Variants in CSMD1 observed in about 807,000 individuals in gnomAD.
CSMD1 encodes CUB and sushi domain-containing protein 1.
A neutral mutation model predicts 417.5 loss-of-function variants in CSMD1; 213 were observed. The observed-to-expected ratio is 0.51, with a 90% CI of 0.46 to 0.57. The LOEUF is 0.57. Ranked by LOEUF, CSMD1 falls within the 20% of genes least tolerant of loss-of-function variation. The pLI, the probability that CSMD1 is intolerant of heterozygous loss-of-function variation, is 0.00. For missense variants in CSMD1, 6,923 were observed against 4,529.7 expected, an observed-to-expected ratio of 1.53 and a Z score of -15.17; for synonymous variants, 2,862 against 1,736.8, an observed-to-expected ratio of 1.65 and a Z score of -16.11.
chr8:3,420,118 GT>G (rs1336826999), intron 12 of CSMD1, among the ~76,000 whole-genome samples: 2 of 152,096 alleles, frequency 1.3e-5, no homozygotes, highest in Non-Finnish European at 2.9e-5. Context: ...AATTTCAATA[GT>G]TGGGAAGTCA....
At chr8:3,391,069 A>C (rs143152222) in intron 17 of CSMD1, among the ~76,000 whole-genome samples, 1 of 152,298 alleles carries the variant, frequency 6.6e-6, no homozygotes, top group South Asian at 2.1e-4. Flanking sequence ...GAGTGTTAGC[A>C]TGCATGGGCA....
intron 5 of CSMD1, among the ~76,000 whole-genome samples, chr8:3,776,807 G>GATAGATATATATATATAT (rs1554432749): frequency 7.1e-6 from 1 of 139,938 alleles, no homozygotes; most frequent in Non-Finnish European, 1.5e-5. Context: ...ATATAGACGA[G>GATAGATATATATATATAT]ATATATATAT....
chr8:3,923,297 C>A (rs1292989048), intron 5 of CSMD1, among the ~76,000 whole-genome samples: 2 of 152,090 alleles, frequency 1.3e-5, no homozygotes, highest in African/African-American at 4.8e-5. Context: ...TGTCCCTTCC[C>A]CATTTGGGGA....
chr8:3,184,237 A>G (rs1248918057), intron 36 of CSMD1, among the ~76,000 whole-genome samples: 1 of 152,136 alleles, frequency 6.6e-6, no homozygotes, highest in African/African-American at 2.4e-5. Flanking sequence ...TATTCATTCA[A>G]ATATAACCAC....
intron 3 of CSMD1, among the ~76,000 whole-genome samples, chr8:4,032,517 T>A (rs35022443): frequency 2.6e-5 from 4 of 152,138 alleles, no homozygotes; most frequent in African/African-American, 9.6e-5. Flanking sequence ...TGAATACTCA[T>A]ACCCTATTTA....
chr8:4,169,766 G>C (rs377290708), intron 3 of CSMD1, among the ~76,000 whole-genome samples: 1 of 152,068 alleles, frequency 6.6e-6, no homozygotes, highest in Non-Finnish European at 1.5e-5. Flanking sequence ...GACTATTCAT[G>C]GGATGCTTCT....
chr8:4,710,464 T>TTTTATA (rs1554452186), intron 1 of CSMD1, among the ~76,000 whole-genome samples: 15 of 144,844 alleles, frequency 1.0e-4, no homozygotes, highest in South Asian at 4.3e-4. Context: ...TAATGGAATA[T>TTTTATA]TATATATATA....
At chr8:4,832,205 G>A (rs1800195027) in intron 1 of CSMD1, among the ~76,000 whole-genome samples, 1 of 152,162 alleles carries the variant, frequency 6.6e-6, no homozygotes, top group Non-Finnish European at 1.5e-5. Flanking sequence ...AGTGTGGGAG[G>A]GTTTGGGAGG....
At chr8:3,253,115 G>T (rs1385154150) in intron 26 of CSMD1, among the ~76,000 whole-genome samples, 5 of 152,040 alleles carry the variant, frequency 3.3e-5, no homozygotes, top group Admixed American at 2.6e-4. Context: ...TTTTAATTGT[G>T]ATGCTAGGGT....
intron 3 of CSMD1, among the ~76,000 whole-genome samples, chr8:4,415,354 G>C (rs151153966): frequency 6.6e-6 from 1 of 152,132 alleles, no homozygotes; most frequent in African/African-American, 2.4e-5. Context: ...CCTTACTCAG[G>C]AAGATCCTTC....
At chr8:4,459,951 G>C (rs934546036) in intron 2 of CSMD1, among the ~76,000 whole-genome samples, 2 of 152,066 alleles carry the variant, frequency 1.3e-5, no homozygotes, top group Admixed American at 1.3e-4. Flanking sequence ...TTTTCATAGA[G>C]GAACAGAACA....
At chr8:4,486,939 G>A (rs1048979312) in intron 2 of CSMD1, among the ~76,000 whole-genome samples, 1 of 152,106 alleles carries the variant, frequency 6.6e-6, no homozygotes, top group Non-Finnish European at 1.5e-5. Flanking sequence ...AGCAGGCAGG[G>A]TCCTAAATGG....
chr8:4,873,658 T>C (rs1007080132), intron 1 of CSMD1, among the ~76,000 whole-genome samples: 2 of 152,130 alleles, frequency 1.3e-5, no homozygotes, highest in East Asian at 1.9e-4. Context: ...TTTCCATCTA[T>C]CCATTCAGTA....
At chr8:3,792,679 T>C (rs79707586) in intron 5 of CSMD1, among the ~76,000 whole-genome samples, 1 of 152,266 alleles carries the variant, frequency 6.6e-6, no homozygotes, top group African/African-American at 2.4e-5. Context: ...GAGACCGCAA[T>C]CATGAAATCT....
intron 18 of CSMD1, among the ~76,000 whole-genome samples, chr8:3,383,091 G>T (rs532099021): frequency 9.9e-6 from 1 of 100,726 alleles, no homozygotes; most frequent in East Asian, 2.2e-4. Flanking sequence ...ACACTACATC[G>T]TTCCTTACCA....
intron 11 of CSMD1, among the ~76,000 whole-genome samples, chr8:3,483,711 T>C (rs1485718442): frequency 6.6e-6 from 1 of 152,126 alleles, no homozygotes; most frequent in South Asian, 2.1e-4. Flanking sequence ...GACCGATATC[T>C]TTTATGAATG....
At chr8:3,085,178 G>T (rs370926385) in intron 49 of CSMD1, among the ~76,000 whole-genome samples, 173 of 152,112 alleles carry the variant, frequency 1.1e-3, no homozygotes, top group Admixed American at 3.5e-3. Context: ...TGATTATGAA[G>T]TCCCTTAACT....
At chr8:3,200,606 A>G (rs1796943294) in intron 32 of CSMD1, among the ~76,000 whole-genome samples, 1 of 151,450 alleles carries the variant, frequency 6.6e-6, no homozygotes, top group Admixed American at 6.6e-5. Context: ...AAAAATATAT[A>G]AAAGTGCATA....
intron 12 of CSMD1, among the ~76,000 whole-genome samples, chr8:3,461,039 T>A (rs1363974900): frequency 6.6e-6 from 1 of 152,054 alleles, no homozygotes; most frequent in East Asian, 1.9e-4. Flanking sequence ...ATATTTGAAT[T>A]TACAGCACAT....
Sources: gnomAD v4.1 joint callset for allele counts (sites outside exome capture counted in the v4.1 genomes callset) on GRCh38, gnomAD v4.1.1 for gene constraint, MANE v1.5 for transcripts, NCBI Gene and HGNC (gene_info 2026-07-23, HGNC 2026-07-21) for gene names.